The following BOD1L1 variants were observed in gnomAD, a reference collection of about 807,000 sequenced individuals.
BOD1L1 encodes the protein biorientation of chromosomes in cell division 1 like 1.
A neutral mutation model predicts 240.7 loss-of-function variants in BOD1L1; 86 were observed. That is an observed-to-expected ratio of 0.36 (90% CI 0.30 to 0.43). The LOEUF is 0.43. Among genes scored for constraint, BOD1L1 ranks in the 20% least tolerant of loss-of-function variants. The probability of loss-of-function intolerance (pLI) is 1.00; values close to 1 mark genes in which losing one functional copy is unlikely to be tolerated. For missense variants in BOD1L1, 3,554 were observed against 3,643.5 expected (o/e 0.98, Z 0.63); for synonymous variants, 1,268 against 1,272.3 (o/e 1.00, Z 0.07).
intron 13 of BOD1L1, among the ~76,000 whole-genome samples, chr4:13,591,329 T>G (rs1004697941): frequency 1.3e-5 from 2 of 152,198 alleles, no homozygotes; most frequent in African/African-American, 4.8e-5. Context: ...GAGGAAGTAC[T>G]CTGATCCCGC....
intron 1 of BOD1L1, 89 bp downstream of exon 1, chr4:13,627,256 G>A: frequency 3.2e-6 from 2 of 624,400 alleles, no homozygotes; most frequent in Non-Finnish European, 2.2e-6. Flanking sequence ...GCACACAGCT[G>A]CAGCTCCAAG....
chr4:13,599,241 A>G lies in BOD1L1; in HGVS notation c.7659T>C (p.Pro2553=). Residue 2553 remains proline, a synonymous_variant, in exon 10 of 26, where the codon CCT becomes CCC. Transcript: ENST00000040738. ...TGTCTTCAGACCCCTGCTGCTCAGC[A>G]GGAAGAAAGGAATGCTCAGCCACGG... ...QGTVAEHSFL[P]AEQQGSEDNL... 1 of 1,613,766 alleles carries G rather than the reference A, an allele frequency of 6.2e-7. No individual in the cohort carries two copies. The highest frequency in any genetic ancestry group is 2.2e-5 in the East Asian group (1 of 44,870).
At chr4:13,573,438 G>GTCTATCTATCTATCTATCTATCTATCTA (rs1403849969) in intron 25 of BOD1L1, among the ~76,000 whole-genome samples, 2 of 46,436 alleles carry the variant, frequency 4.3e-5, no homozygotes, top group East Asian at 1.7e-3. Context: ...CTGTCTGTCT[G>GTCTATCTATCTATCTATCTATCTATCTA]TCTGTCTATC....
At chr4:13,598,103 T>C (rs1714767187) in intron 10 of BOD1L1, among the ~76,000 whole-genome samples, 1 of 152,254 alleles carries the variant, frequency 6.6e-6, no homozygotes, top group Admixed American at 6.5e-5. Flanking sequence ...AAAGTGTCAC[T>C]GTCCACTTTT....
chr4:13,601,676 A>G lies in BOD1L1; in HGVS notation c.5224T>C (p.Cys1742Arg). 6.2e-7 allele frequency: 1 copy of G among 1,614,026 alleles called. No homozygotes were observed. Residue 1742 changes from cysteine (C) to arginine (R), a missense_variant, in exon 10 of 26, where the codon TGC (cysteine) becomes CGC (arginine). Transcript: ENST00000040738. ...AEGRSDNFVI[C>R]SVTGAGPREE... ...CGGGGCCCTGCTCCAGTTACTGAGC[A>G]GATCACAAAGTTATCACTTCTGCCT...
At position 13,626,796 on chromosome 4, in the gene BOD1L1, G is replaced by A. The variant is rs1056188805; in HGVS notation, c.243+549C>T. ...TCCTGTCCCTTCTTACCTTAGAATG[G>A]TGACATGGCCTAAGTTACCTAAATC... is the stretch of plus-strand genomic sequence containing the variant. On this transcript the variant is annotated intron_variant, in intron 1 of 25. Coordinates refer to ENST00000040738, the MANE Select transcript of BOD1L1 (RefSeq NM_148894.3). Among the ~76,000 whole-genome samples, 4 of 152,054 alleles carry A rather than the reference G, an allele frequency of 2.6e-5. No homozygotes were observed. The East Asian group carries it at 7.7e-4, about 29-fold the overall frequency.
At chr4:13,608,495 G>C (rs1577363676) in intron 8 of BOD1L1, 35 bp downstream of exon 8, 1 of 1,473,968 alleles carries the variant, frequency 6.8e-7, no homozygotes, top group East Asian at 2.5e-5. Flanking sequence ...CCAGGGGAGT[G>C]TTATAAGGGA....
At position 13,603,011 on chromosome 4, in the gene BOD1L1, C is replaced by T. The variant is rs1577353463; in HGVS notation, c.3889G>A (p.Asp1297Asn). The T allele has an allele frequency of 1.9e-6, 3 of 1,613,990 alleles. No homozygotes were observed. Among genetic ancestry groups the T allele is most frequent in the Non-Finnish European group, 2.5e-6 (3 of 1,179,870 alleles). The change falls in exon 10 of 26, where the codon GAT becomes AAT. Residue 1297 changes from aspartate to asparagine, a missense_variant. By Grantham distance (23) the Asp-to-Asn change is conservative. Around this residue, in one of 2 missense-constraint regions of BOD1L1, gnomAD observed 3,393 missense variants for 3,427.1 expected, o/e 0.99. Coordinates refer to ENST00000040738, the MANE Select transcript of BOD1L1 (RefSeq NM_148894.3). ...TCAAACAGAGGAATTACATCTGGAT[C>T]ATACGATTCCCTCAGAGGCACAACA... is the stretch of plus-strand genomic sequence containing the variant. ...VTVVPLRESY[D>N]PDVIPLFDKR...
Position 13,601,791 on chromosome 4 carries a change from G to C in BOD1L1, c.5109C>G (p.Ser1703Arg), listed in dbSNP as rs773704401. ...AGTEIRAGSI[S>R]SEEVDGSQGN... ...CCTGGGAGCCATCCACCTCTTCACTGCTTATAGATCCTGCTCTTATCTCTG... is the reference window on the plus strand; with the variant it reads ...CCTGGGAGCCATCCACCTCTTCACTCCTTATAGATCCTGCTCTTATCTCTG... The change falls in exon 10 of 26, where the codon AGC becomes AGG. Residue 1703 changes from serine to arginine, a missense_variant. Coordinates refer to ENST00000040738, the MANE Select transcript of BOD1L1 (RefSeq NM_148894.3). The C allele has an allele frequency of 3.1e-6, 5 of 1,613,838 alleles. No individual in the cohort carries two copies. Among genetic ancestry groups the C allele is most frequent in the Non-Finnish European group, 4.2e-6 (5 of 1,179,872 alleles).
At chr4:13,619,601 C>T (rs1716891738) in intron 2 of BOD1L1, among the ~76,000 whole-genome samples, 1 of 152,106 alleles carries the variant, frequency 6.6e-6, no homozygotes, top group South Asian at 2.1e-4. Flanking sequence ...AATAATAAAG[C>T]CTGCTTGCTC....
Position 13,586,451 on chromosome 4 carries a change from G to C in BOD1L1, c.8378C>G (p.Ser2793Cys). The part of the protein sequence containing the change: ...EPDDNPDVLD[S>C]RIETAQRQCP... ...CTGCCTTTGTGCTGTTTCTATTCTG[G>C]AATCCAGGACATCTGGATTATCATC... The change falls in exon 17 of 26, where the codon TCC becomes TGC. Residue 2793 changes from serine to cysteine, a missense_variant. Ser to Cys is a moderately radical substitution (Grantham distance 112). Around this residue, in one of 2 missense-constraint regions of BOD1L1, gnomAD observed 3,393 missense variants for 3,427.1 expected, o/e 0.99. Coordinates refer to ENST00000040738, the MANE Select transcript of BOD1L1 (RefSeq NM_148894.3). 6.2e-7 allele frequency: 1 copy of C among 1,610,820 alleles called. No individual in the cohort carries two copies. The highest frequency in any genetic ancestry group is 8.5e-7 in the Non-Finnish European group (1 of 1,177,968).
chr4:13,608,454 T>C (rs1439366419), intron 8 of BOD1L1, 76 bp downstream of exon 8: 1 of 1,300,278 alleles, frequency 7.7e-7, no homozygotes, highest in Non-Finnish European at 1.0e-6. Flanking sequence ...AACTCTTTAC[T>C]GTCACTTCAA....
intron 17 of BOD1L1, among the ~76,000 whole-genome samples, chr4:13,584,420 C>T (rs1053354210): frequency 2.5e-5 from 3 of 120,718 alleles, no homozygotes; most frequent in Non-Finnish European, 3.6e-5. Flanking sequence ...GCGTGTGTGG[C>T]GGGGAGAGAA....
chr4:13,573,453 T>TATCTATCTATCTATCTATCTA (rs1712397782), intron 25 of BOD1L1, among the ~76,000 whole-genome samples: 1 of 123,620 alleles, frequency 8.1e-6, no homozygotes, highest in African/African-American at 2.7e-5. Flanking sequence ...TCTATCTATC[T>TATCTATCTATCTATCTATCTA]ATCTATCTAT....
intron 1 of BOD1L1, chr4:13,625,675 T>C (rs569315340): frequency 3.3e-5 from 5 of 152,200 alleles, no homozygotes; most frequent in Non-Finnish European, 5.9e-5. Flanking sequence ...TTGATAACAT[T>C]TACCTGGCCA....
intron 14 of BOD1L1, among the ~76,000 whole-genome samples, chr4:13,589,212 G>T (rs4698076): frequency 0.55 from 82,944 of 152,042 alleles, 26,391 homozygotes; most frequent in East Asian, 0.96. Context: ...CAGATGGTGT[G>T]GAGTGACAAC....
chr4:13,599,539 A>G lies in BOD1L1; in HGVS notation c.7361T>C (p.Leu2454Ser). The G allele has an allele frequency of 1.9e-6, 3 of 1,613,996 alleles. No homozygotes were observed. Among genetic ancestry groups the G allele is most frequent in the Non-Finnish European group, 2.5e-6 (3 of 1,179,888 alleles). Residue 2454 changes from leucine to serine, a missense_variant, in exon 10 of 26, where the codon TTA becomes TCA. Leu to Ser is a moderately radical substitution (Grantham distance 145). Transcript: ENST00000040738. ...FAGRGQKEST[L>S]HLINAEEKNV... ...CTTCTCTTCTGCATTTATGAGGTGT[A>G]AAGTGCTCTCTTTCTGTCCTCTTCC...
intron 1 of BOD1L1, chr4:13,626,345 G>GAAAAAAAAAAA (rs1717394156): frequency 7.0e-6 from 1 of 143,580 alleles, no homozygotes; most frequent in Admixed American, 7.0e-5. Flanking sequence ...AAAAAAAAAG[G>GAAAAAAAAAAA]AAACCCTCAT....
At position 13,590,370 on chromosome 4, in the gene BOD1L1, A is replaced by C. The variant is rs370273585; in HGVS notation, c.8209+16T>G. ...CTATAATATTAAAACTATAACTATG[A>C]AATTCATTAACTTACCTCCTTTGTT... is the stretch of plus-strand genomic sequence containing the variant. On this transcript the variant is annotated intron_variant, in intron 14 of 25. Coordinates refer to ENST00000040738, the MANE Select transcript of BOD1L1 (RefSeq NM_148894.3). 1.2e-4 allele frequency: 170 copies of C among 1,383,946 alleles called. No homozygotes were observed. The highest frequency in any genetic ancestry group is 3.7e-4 in the Middle Eastern group (2 of 5,442). 85.7% of individuals were successfully genotyped at this position (1,383,946 alleles called of 1,614,324 possible). A position where few individuals can be genotyped will look rare whatever the true frequency, so the allele number is the denominator to read the frequency against.
Sources: gnomAD v4.1 joint callset for allele counts (sites outside exome capture counted in the v4.1 genomes callset) on GRCh38, gnomAD v4.1.1 for gene constraint, gnomAD v4.1.1 regional missense constraint, MANE v1.5 for transcripts, NCBI Gene and HGNC (gene_info 2026-07-23, HGNC 2026-07-21) for gene names.